Variants in MOCS2 observed in about 807,000 individuals in gnomAD.
MOCS2 encodes the protein molybdenum cofactor synthesis 2.
Under a neutral mutation model 21.9 loss-of-function variants are expected in MOCS2, and 13 were observed. The observed-to-expected ratio is 0.59, with a 90% CI of 0.39 to 0.94. The LOEUF (loss-of-function observed/expected upper bound fraction) is 0.94. Among genes scored for constraint, MOCS2 ranks in the 40% least tolerant of loss-of-function variants. The pLI is 0.00. For synonymous variants in MOCS2, 92 were observed against 80.8 expected, an observed-to-expected ratio of 1.14 and a Z score of -0.74; for missense variants, 227 against 218.3, an observed-to-expected ratio of 1.04 and a Z score of -0.25.
intron 2 of MOCS2, 64 bp from the exon 3 acceptor site, chr5:53,107,285 G>A: frequency 1.4e-6 from 2 of 1,426,718 alleles, no homozygotes; most frequent in African/African-American, 1.4e-5. Flanking sequence ...CGCTTCAGCT[G>A]CAATTAGAGA....
At chr5:53,099,549 C>T (rs990749337) in intron 6 of MOCS2, among the ~76,000 whole-genome samples, 2 of 146,580 alleles carry the variant, frequency 1.4e-5, no homozygotes, top group African/African-American at 2.6e-5. Context: ...CTAATCCCTA[C>T]GTATTCTAAC....
At chr5:53,102,718 G>A (rs1044144112) in intron 3 of MOCS2, among the ~76,000 whole-genome samples, 6 of 152,048 alleles carry the variant, frequency 3.9e-5, no homozygotes, top group African/African-American at 1.4e-4. Flanking sequence ...AGGCCGAGGC[G>A]GGTGGATCAT....
intron 3 of MOCS2, 141 bp from the exon 4 acceptor site, chr5:53,102,365 A>T: frequency 1.2e-6 from 1 of 834,880 alleles, no homozygotes; most frequent in Non-Finnish European, 1.9e-6. Context: ...TATAGTTTAC[A>T]TGAGTCAAAT....
intron 3 of MOCS2, among the ~76,000 whole-genome samples, chr5:53,102,870 C>T (rs548266037): frequency 5.3e-5 from 8 of 151,092 alleles, no homozygotes; most frequent in Non-Finnish European, 8.8e-5. Flanking sequence ...ATTGCTTGAG[C>T]TTGGGAGGTG....
intron 6 of MOCS2, 134 bp downstream of exon 6, chr5:53,100,277 A>C (rs1160488774): frequency 2.0e-6 from 2 of 1,015,002 alleles, no homozygotes; most frequent in African/African-American, 3.2e-5. Flanking sequence ...AAATCTTGGA[A>C]AGAAGATATT....
At position 53,101,475 on chromosome 5, in the gene MOCS2, G is replaced by T; in HGVS notation, c.261C>A (p.Val87=). 6.2e-7 allele frequency: 1 copy of T among 1,609,876 alleles called. No individual in the cohort carries two copies. Among genetic ancestry groups the T allele is most frequent in the Non-Finnish European group, 8.5e-7 (1 of 1,176,970 alleles). ...GATATGCTTCATATTCTAAGCTAAT[G>T]ACTTTTTTCCCTTCAAAGTTATTTC... ...TTRNNFEGKK[V]ISLEYEAYLP... The change falls in exon 5 of 7, where the codon GTC becomes GTA. Residue 87 remains valine (V), a synonymous_variant. Transcript: ENST00000396954.
chr5:53,100,759 C>A (rs1437357106), intron 5 of MOCS2: 1 of 517,644 alleles, frequency 1.9e-6, no homozygotes, highest in Admixed American at 3.2e-5. Flanking sequence ...AATCTATCCA[C>A]TAAACCCTCC....
chr5:53,097,870 A>G lies in MOCS2; in HGVS notation c.*732T>C, dbSNP rs2112078189. ...TTAAAAATTGGGGCATTGTTTACCT[A>G]AACATTTCAACACAAACCACCTTGT... On this transcript the variant is annotated 3_prime_UTR_variant, in exon 7 of 7. Coordinates refer to ENST00000396954, the MANE Select transcript of MOCS2 (RefSeq NM_004531.5). 1 of 152,322 alleles carries G rather than the reference A, an allele frequency of 6.6e-6. No homozygotes were observed. The highest frequency in any genetic ancestry group is 1.9e-4 in the East Asian group (1 of 5,188). 9.4% of individuals were successfully genotyped at this position (152,322 alleles called of 1,614,324 possible). A position where few individuals can be genotyped will look rare whatever the true frequency, so the allele number is the denominator to read the frequency against.
In MOCS2 at chr5:53,109,693, GCA is replaced by G. The variant is rs1212443659; in HGVS notation, c.-614_-613del. ...GAGGGCTCCGCACCCAGGCCCGCAC[GCA>G]CACCCGCCACCCTTACCTGGCACAG... is the stretch of plus-strand genomic sequence containing the variant. On this transcript the variant is annotated 5_prime_UTR_variant, in exon 1 of 7. The change abolishes the stop of an existing upstream ORF in the 5' untranslated region. Coordinates refer to ENST00000396954, the MANE Select transcript of MOCS2 (RefSeq NM_004531.5). The G allele has an allele frequency of 6.4e-7, 1 of 1,552,246 alleles. No homozygotes were observed.
At position 53,102,077 on chromosome 5, in the gene MOCS2, C is replaced by T; in HGVS notation, c.226+20G>A. ...CTATTGTCTTATACAGTGATAGATGCAATGAAAATTACAACTCACCTACAA... is the reference window on the plus strand; with the variant it reads ...CTATTGTCTTATACAGTGATAGATGTAATGAAAATTACAACTCACCTACAA... On this transcript the variant is annotated intron_variant, in intron 4 of 6. Transcript: ENST00000396954. The T allele has an allele frequency of 1.2e-6, 2 of 1,611,094 alleles. No individual in the cohort carries two copies. Among genetic ancestry groups the T allele is most frequent in the Admixed American group, 3.3e-5 (2 of 59,956 alleles).
At chr5:53,100,717 A>C in intron 5 of MOCS2, 183 bp from the exon 6 acceptor site, 1 of 617,386 alleles carries the variant, frequency 1.6e-6, no homozygotes, top group Non-Finnish European at 2.8e-6. Context: ...CAGAGGCAGT[A>C]GATGAGGCTG....
At position 53,098,608 on chromosome 5, in the gene MOCS2, G is replaced by A; in HGVS notation, c.561C>T (p.Asn187=). 6.2e-7 allele frequency: 1 copy of A among 1,613,200 alleles called. No individual in the cohort carries two copies. The highest frequency in any genetic ancestry group is 8.5e-7 in the Non-Finnish European group (1 of 1,179,252). ...GCTCTAAAAACATAAGTGATTAACT[G>A]TTGGATGCCCAAAAGCACTCTTTGT... is the stretch of plus-strand genomic sequence containing the variant. ...KGNKECFWAS[N]S The change falls in exon 7 of 7, where the codon AAC becomes AAT. Residue 187 remains asparagine, a synonymous_variant. Coordinates refer to ENST00000396954, the MANE Select transcript of MOCS2 (RefSeq NM_004531.5).
chr5:53,099,872 C>A (rs1411005677), intron 6 of MOCS2, among the ~76,000 whole-genome samples: 1 of 152,186 alleles, frequency 6.6e-6, no homozygotes, highest in East Asian at 1.9e-4. Flanking sequence ...TGGGCCTTTT[C>A]ATCCCATCAG....
chr5:53,108,518 C>G lies in MOCS2; in HGVS notation c.-48+4G>C, dbSNP rs1354872361. On this transcript the variant is annotated splice_donor_region_variant and intron_variant, in intron 2 of 6. Transcript: ENST00000396954. ...TCATATGCATTCTACAAATTTTTAA[C>G]TACCCAGGATGTCGAGTTTCTATCT... is the stretch of plus-strand genomic sequence containing the variant. The G allele has an allele frequency of 2.5e-6, 4 of 1,611,486 alleles. No individual in the cohort carries two copies. In the South Asian group the frequency reaches 3.3e-5, roughly 13 times the overall value.
chr5:53,109,663 T>C lies in MOCS2; in HGVS notation c.-582A>G. 1.3e-6 allele frequency: 2 copies of C among 1,549,598 alleles called. No individual in the cohort carries two copies. Among genetic ancestry groups the C allele is most frequent in the Non-Finnish European group, 8.7e-7 (1 of 1,146,674 alleles). On this transcript the variant is annotated 5_prime_UTR_variant, in exon 1 of 7. Coordinates refer to ENST00000396954, the MANE Select transcript of MOCS2 (RefSeq NM_004531.5). ...GGAGGGAAAGGGCGGGAGAGACACG[T>C]CGAGGAGGGCTCCGCACCCAGGCCC...
chr5:53,100,019 A>G (rs1740863994), intron 6 of MOCS2, among the ~76,000 whole-genome samples: 1 of 152,148 alleles, frequency 6.6e-6, no homozygotes, highest in Non-Finnish European at 1.5e-5. Flanking sequence ...TCTTCCCTAA[A>G]AAGGACCTCT....
chr5:53,098,493 G>T lies in MOCS2; in HGVS notation c.*109C>A. 1 of 936,346 alleles carries T rather than the reference G, an allele frequency of 1.1e-6. No individual in the cohort carries two copies. The highest frequency in any genetic ancestry group is 2.5e-5 in the East Asian group (1 of 40,396). 58.0% of individuals were successfully genotyped at this position (936,346 alleles called of 1,614,324 possible). A position where few individuals can be genotyped will look rare whatever the true frequency, so the allele number is the denominator to read the frequency against. ...TCTCCCTTTTGTCCCACTAGTATAA[G>T]AGATTGTGCTTCAGTAAACTATCCT... is the stretch of plus-strand genomic sequence containing the variant. On this transcript the variant is annotated 3_prime_UTR_variant, in exon 7 of 7. Transcript: ENST00000396954.
intron 3 of MOCS2, among the ~76,000 whole-genome samples, chr5:53,105,219 C>T (rs993197447): frequency 1.3e-5 from 2 of 152,018 alleles, no homozygotes; most frequent in African/African-American, 4.8e-5. Context: ...GAAAAAAGTA[C>T]ACAGACAGTC....
chr5:53,095,859 A>T lies in MOCS2; in HGVS notation c.*2743T>A, dbSNP rs1040382423. 4.6e-5 allele frequency: 7 copies of T among 152,182 alleles called. No individual in the cohort carries two copies. The highest frequency in any genetic ancestry group is 1.7e-4 in the African/African-American group (7 of 41,440). The allele number at this position is 152,182 out of a possible 1,614,324, so 9.4% of individuals were successfully genotyped here. On this transcript the variant is annotated 3_prime_UTR_variant, in exon 7 of 7. Transcript: ENST00000396954. ...TTTTATTTATTCTACATCACTTGTT[A>T]AAAACTACAAATTGCATTTTCAAAA...
Sources: gnomAD v4.1 joint callset for allele counts (sites outside exome capture counted in the v4.1 genomes callset) on GRCh38, gnomAD v4.1.1 for gene constraint, MANE v1.5 for transcripts, NCBI Gene and HGNC (gene_info 2026-07-23, HGNC 2026-07-21) for gene names.